ZBTB44: variants seen among roughly 807,000 people sequenced by gnomAD.
The protein encoded by ZBTB44 is zinc finger and BTB domain containing 44.
ZBTB44 carries 15 observed loss-of-function variants against 54.0 expected under a neutral mutation model. The ratio of observed to expected loss-of-function variants is 0.28; its 90% CI spans 0.19 to 0.43. The LOEUF is 0.43. Among genes scored for constraint, ZBTB44 ranks in the 20% least tolerant of loss-of-function variants. ZBTB44 has a pLI of 1.00. For missense variants in ZBTB44, 487 were observed against 707.1 expected, an observed-to-expected ratio of 0.69 and a Z score of 3.53; for synonymous variants, 230 against 250.1, an observed-to-expected ratio of 0.92 and a Z score of 0.76.
intron 1 of ZBTB44, among the ~76,000 whole-genome samples, chr11:130,297,152 T>C (rs1364288711): frequency 6.6e-6 from 1 of 152,238 alleles, no homozygotes; most frequent in Admixed American, 6.5e-5. Flanking sequence ...TTTAAACTTA[T>C]CTAACAAGAG....
chr11:130,289,324 A>T (rs1323908610), intron 1 of ZBTB44, among the ~76,000 whole-genome samples: 1 of 152,102 alleles, frequency 6.6e-6, no homozygotes, highest in Non-Finnish European at 1.5e-5. Context: ...CTCTACTAAA[A>T]ATACAAAAAT....
intron 1 of ZBTB44, among the ~76,000 whole-genome samples, chr11:130,264,812 G>A (rs1438441938): frequency 6.6e-6 from 1 of 152,112 alleles, no homozygotes; most frequent in African/African-American, 2.4e-5. Context: ...ATTAAACTTT[G>A]CAAATATTGT....
In ZBTB44 at chr11:130,280,788, G is replaced by A. The variant is rs565374817; in HGVS notation, c.-56-18859C>T. 2.6e-5 allele frequency among the ~76,000 whole-genome samples: 4 copies of A among 152,136 alleles called. No homozygotes were observed. In the East Asian group the frequency reaches 5.8e-4, roughly 22 times the overall value. On this transcript the variant is annotated intron_variant, in intron 1 of 7. Coordinates refer to ENST00000357899, the MANE Select transcript of ZBTB44 (RefSeq NM_001301098.2). The stretch of plus-strand genomic sequence containing the variant: ...TTTTGTATTTTTAAAAAATTACTTG[G>A]GTGTAAATAATCAGGTCTCTCAATA...
At chr11:130,271,496 A>T (rs1939666037) in intron 1 of ZBTB44, among the ~76,000 whole-genome samples, 1 of 152,108 alleles carries the variant, frequency 6.6e-6, no homozygotes, top group Non-Finnish European at 1.5e-5. Flanking sequence ...CAACAGACAA[A>T]CCTAGGAGAA....
chr11:130,236,044 A>T, intron 5 of ZBTB44: 2 of 1,101,142 alleles, frequency 1.8e-6, no homozygotes, highest in Non-Finnish European at 2.3e-6. Flanking sequence ...TACAATTCTT[A>T]TAAACAATTT....
intron 6 of ZBTB44, 34 bp downstream of exon 6, chr11:130,234,122 G>T (rs1240220374): frequency 1.1e-5 from 17 of 1,543,888 alleles, no homozygotes; most frequent in Non-Finnish European, 1.5e-5. Flanking sequence ...GACCCCAAGG[G>T]AAAAGTGCTT....
chr11:130,246,139 C>T (rs1377150642), intron 2 of ZBTB44, among the ~76,000 whole-genome samples: 1 of 152,154 alleles, frequency 6.6e-6, no homozygotes, highest in African/African-American at 2.4e-5. Context: ...TGTTATATCA[C>T]TTATGCAACT....
At chr11:130,281,697 T>C (rs1401104457) in intron 1 of ZBTB44, among the ~76,000 whole-genome samples, 2 of 151,808 alleles carry the variant, frequency 1.3e-5, no homozygotes, top group Non-Finnish European at 1.5e-5. Context: ...CGGGTTCACG[T>C]CATTCTCCTG....
intron 1 of ZBTB44, among the ~76,000 whole-genome samples, chr11:130,302,838 G>A (rs912725416): frequency 3.3e-5 from 5 of 152,098 alleles, no homozygotes; most frequent in Admixed American, 1.3e-4. Context: ...TGCTGGGTGT[G>A]GTGGTGCGCA....
chr11:130,236,915 G>A lies in ZBTB44; in HGVS notation c.1446C>T (p.Arg482=), dbSNP rs1364600817. The change falls in exon 5 of 8, where the codon CGC becomes CGT. Residue 482 remains arginine, a synonymous_variant. Transcript: ENST00000357899. ...TTTTGCACTCGTAAATCCGAGGCTT[G>A]CGGATAATGTGCCGGGAAACCCTCA... ...HHMRVSRHII[R]KPRIYECKTC... is the part of the protein sequence containing the mutation. 6.3e-6 allele frequency: 10 copies of A among 1,597,396 alleles called. No homozygotes were observed. Among genetic ancestry groups the A allele is most frequent in the Non-Finnish European group, 7.7e-6 (9 of 1,173,370 alleles).
intron 1 of ZBTB44, among the ~76,000 whole-genome samples, chr11:130,263,971 A>G (rs1238732964): frequency 1.3e-5 from 2 of 152,222 alleles, no homozygotes; most frequent in Non-Finnish European, 2.9e-5. Context: ...ACGTATGCCT[A>G]CTATCTCCCA....
At chr11:130,236,632 T>C (rs1355915452) in intron 5 of ZBTB44, 161 bp downstream of exon 5, 2 of 713,372 alleles carry the variant, frequency 2.8e-6, no homozygotes, top group Admixed American at 8.1e-5. Flanking sequence ...TCAGCAAAAT[T>C]TTATCAGATC....
chr11:130,265,928 C>T (rs1248394944), intron 1 of ZBTB44, among the ~76,000 whole-genome samples: 2 of 152,218 alleles, frequency 1.3e-5, no homozygotes, highest in Non-Finnish European at 2.9e-5. Flanking sequence ...GAAGCTGCAA[C>T]AAGTTATCCA....
intron 1 of ZBTB44, among the ~76,000 whole-genome samples, chr11:130,307,103 A>C (rs2134505980): frequency 6.6e-6 from 1 of 151,934 alleles, no homozygotes; most frequent in South Asian, 2.1e-4. Context: ...TGAATACCTG[A>C]ATAGCCATAC....
intron 1 of ZBTB44, among the ~76,000 whole-genome samples, chr11:130,269,214 G>A (rs375239449): frequency 6.0e-5 from 9 of 151,038 alleles, no homozygotes; most frequent in East Asian, 3.9e-4. Flanking sequence ...ACTTGAACCC[G>A]GGAGGTGGAG....
chr11:130,257,761 T>C (rs927407574), intron 2 of ZBTB44, among the ~76,000 whole-genome samples: 11 of 152,218 alleles, frequency 7.2e-5, no homozygotes, highest in African/African-American at 2.7e-4. Context: ...TTCCCGGTTC[T>C]CCAATATTTT....
At chr11:130,249,900 C>T (rs1162917520) in intron 2 of ZBTB44, among the ~76,000 whole-genome samples, 2 of 152,150 alleles carry the variant, frequency 1.3e-5, no homozygotes, top group African/African-American at 2.4e-5. Context: ...CACAGTGAGA[C>T]AGAACCATTC....
intron 1 of ZBTB44, among the ~76,000 whole-genome samples, chr11:130,297,819 G>A (rs1336664930): frequency 2.0e-5 from 3 of 152,074 alleles, no homozygotes; most frequent in Non-Finnish European, 2.9e-5. Flanking sequence ...AGTTTGTTAC[G>A]GCACCCTAGC....
chr11:130,247,275 G>A (rs543940544), intron 2 of ZBTB44, among the ~76,000 whole-genome samples: 1 of 152,300 alleles, frequency 6.6e-6, no homozygotes, highest in East Asian at 1.9e-4. Context: ...CAGAAATAAA[G>A]ATCCACTGAG....
Sources: allele counts gnomAD v4.1 joint callset (sites outside exome capture counted in the v4.1 genomes callset), GRCh38; gene constraint gnomAD v4.1.1; transcripts MANE v1.5; gene names NCBI Gene and HGNC (gene_info 2026-07-23, HGNC 2026-07-21).